The following KCNU1 variants were observed in gnomAD, a reference collection of about 807,000 sequenced individuals.
KCNU1 encodes potassium calcium-activated channel subfamily U member 1.
Under a neutral mutation model 126.8 loss-of-function variants are expected in KCNU1, and 93 were observed. That is an observed-to-expected ratio of 0.73 (90% CI 0.62 to 0.87). KCNU1 has a LOEUF of 0.87. Ranked by LOEUF, KCNU1 falls within the 40% of genes least tolerant of loss-of-function variation. KCNU1 has a pLI of 0.00. For missense variants in KCNU1, 1,330 were observed against 1,367.1 expected (o/e 0.97, Z 0.43); for synonymous variants, 523 against 494.2 (o/e 1.06, Z -0.77).
At chr8:36,880,633 A>C (rs954953384) in intron 19 of KCNU1, among the ~76,000 whole-genome samples, 4 of 152,034 alleles carry the variant, frequency 2.6e-5, no homozygotes, top group African/African-American at 9.7e-5. Flanking sequence ...CTTTAGGCCA[A>C]TCCCACCAGC....
chr8:36,929,981 G>A (rs867313907), intron 24 of KCNU1, among the ~76,000 whole-genome samples: 1 of 152,020 alleles, frequency 6.6e-6, no homozygotes, highest in African/African-American at 2.4e-5. Context: ...ATGGATCCCT[G>A]AATTTGAAAG....
intron 18 of KCNU1, among the ~76,000 whole-genome samples, chr8:36,851,832 T>C (rs1365209890): frequency 1.3e-5 from 2 of 151,588 alleles, no homozygotes; most frequent in Non-Finnish European, 2.9e-5. Flanking sequence ...ACTGAATGTG[T>C]TTATTAGTTC....
Position 36,905,759 on chromosome 8 carries a change from G to A in KCNU1, c.2061G>A (p.Gly687=). 1.2e-6 allele frequency: 2 copies of A among 1,604,684 alleles called. No homozygotes were observed. The highest frequency in any genetic ancestry group is 1.7e-6 in the Non-Finnish European group (2 of 1,174,082). ...EQDSDQLDSS[G]MFHWCKPTSL... Reference sequence around the variant, plus strand: ...ATTCTGACCAGCTTGATAGCAGTGGGATGTTTCACTGGTGCAAACCAACCT... The same window carrying A: ...ATTCTGACCAGCTTGATAGCAGTGGAATGTTTCACTGGTGCAAACCAACCT... The change falls in exon 20 of 27, where the codon GGG becomes GGA. Residue 687 remains glycine (G), a synonymous_variant. Coordinates refer to ENST00000399881, the MANE Select transcript of KCNU1 (RefSeq NM_001031836.3).
In KCNU1 at chr8:36,789,920, C is replaced by T. The variant is rs1026968116; in HGVS notation, c.315+2495C>T. On this transcript the variant is annotated intron_variant, in intron 2 of 26. Coordinates refer to ENST00000399881, the MANE Select transcript of KCNU1 (RefSeq NM_001031836.3). ...TAGGGACATGGAGGGCAGGGGACAG[C>T]GAGGTCTGAGAAGAGACTGGAAAAT... is the stretch of plus-strand genomic sequence containing the variant. Among the ~76,000 whole-genome samples the T allele has an allele frequency of 2.0e-5, 3 of 152,180 alleles. No homozygotes were observed. The East Asian group carries it at 5.8e-4, about 29-fold the overall frequency.
chr8:36,871,032 G>GAATC (rs1806083570), intron 19 of KCNU1, among the ~76,000 whole-genome samples: 1 of 151,988 alleles, frequency 6.6e-6, no homozygotes, highest in African/African-American at 2.4e-5. Context: ...TCCCTAGCAG[G>GAATC]GCTATGTGTC....
chr8:36,887,443 T>G (rs1279931706), intron 19 of KCNU1, among the ~76,000 whole-genome samples: 2 of 66,900 alleles, frequency 3.0e-5, no homozygotes, highest in African/African-American at 7.9e-5. Context: ...TGGCCATTTG[T>G]TTTTTTTTGT....
intron 10 of KCNU1, among the ~76,000 whole-genome samples, chr8:36,822,554 T>G (rs1193645761): frequency 6.6e-6 from 1 of 152,210 alleles, no homozygotes; most frequent in African/African-American, 2.4e-5. Flanking sequence ...AGTATTACCA[T>G]TTTCTTTCTT....
intron 16 of KCNU1, among the ~76,000 whole-genome samples, chr8:36,842,775 A>T (rs949308524): frequency 6.6e-6 from 1 of 152,126 alleles, no homozygotes; most frequent in East Asian, 1.9e-4. Context: ...GGTTCAAGTG[A>T]TTCTCCTGCC....
intron 23 of KCNU1, among the ~76,000 whole-genome samples, chr8:36,921,192 A>G (rs1292618671): frequency 6.6e-6 from 1 of 152,170 alleles, no homozygotes; most frequent in African/African-American, 2.4e-5. Flanking sequence ...CAGCCACAGT[A>G]TCCTCATTTT....
intron 9 of KCNU1, among the ~76,000 whole-genome samples, chr8:36,817,195 A>G (rs149162736): frequency 2.1e-3 from 323 of 152,124 alleles, no homozygotes; most frequent in African/African-American, 7.5e-3. Context: ...TAGTGTTTCA[A>G]TGTTTAAAAT....
intron 18 of KCNU1, among the ~76,000 whole-genome samples, chr8:36,861,525 C>A (rs933180028): frequency 1.3e-5 from 2 of 152,196 alleles, no homozygotes; most frequent in Non-Finnish European, 2.9e-5. Context: ...TACCCCACTT[C>A]TGCAAGACTA....
chr8:36,858,954 A>G (rs1805631780), intron 18 of KCNU1, among the ~76,000 whole-genome samples: 3 of 152,166 alleles, frequency 2.0e-5, no homozygotes, highest in South Asian at 2.1e-4. Flanking sequence ...CTGATCCCCA[A>G]TCACCAGTAT....
intron 14 of KCNU1, among the ~76,000 whole-genome samples, chr8:36,837,499 G>A (rs1804794975): frequency 6.6e-6 from 1 of 152,108 alleles, no homozygotes; most frequent in African/African-American, 2.4e-5. Context: ...ATAATATGTT[G>A]TTAGTATCCC....
At chr8:36,842,918 C>T (rs1332923818) in intron 16 of KCNU1, among the ~76,000 whole-genome samples, 1 of 152,160 alleles carries the variant, frequency 6.6e-6, no homozygotes, top group Non-Finnish European at 1.5e-5. Flanking sequence ...CCCACCTCGG[C>T]TTCCCAAAGT....
chr8:36,832,555 C>G (rs967128471), intron 10 of KCNU1, among the ~76,000 whole-genome samples: 1 of 152,010 alleles, frequency 6.6e-6, no homozygotes, highest in African/African-American at 2.4e-5. Flanking sequence ...TTTTTAATCT[C>G]TACTTTGACT....
intron 19 of KCNU1, among the ~76,000 whole-genome samples, chr8:36,895,823 A>T (rs1211825905): frequency 6.6e-6 from 1 of 152,110 alleles, no homozygotes; most frequent in Non-Finnish European, 1.5e-5. Flanking sequence ...ATTGCAAGTG[A>T]TTAATCTGCA....
At position 36,817,499 on chromosome 8, in the gene KCNU1, C is replaced by CAAAA. The variant is rs375306964; in HGVS notation, c.996-128_996-125dup. The CAAAA allele has an allele frequency of 6.6e-4, 154 of 234,634 alleles. 5 individuals are homozygous for CAAAA. Among genetic ancestry groups the CAAAA allele is most frequent in the East Asian group, 3.3e-3 (35 of 10,584 alleles). The allele number at this position is 234,634 out of a possible 1,614,324, so 14.5% of individuals were successfully genotyped here. On this transcript the variant is annotated intron_variant, in intron 9 of 26. Transcript: ENST00000399881. ...GGGCAGCAAGAGCAAAACTCCATCT[C>CAAAA]AAAAAAAAAAAAAAAAAAAAAAAAA...
At chr8:36,845,522 A>C in intron 16 of KCNU1, 58 bp from the exon 17 acceptor site, 1 of 987,574 alleles carries the variant, frequency 1.0e-6, no homozygotes, top group South Asian at 1.4e-5. Context: ...AAGAGGCACC[A>C]ACTGTTGCCA....
rs1585413074 is a variant in KCNU1, at chr8:36,819,533, A to G, written c.1106+1773A>G. On this transcript the variant is annotated intron_variant, in intron 10 of 26. Transcript: ENST00000399881. ...CTGTTTCTACCATTTATTCTCCACT[A>G]TCACAACTCTATTCATAGTTAAATC... 1.3e-5 allele frequency among the ~76,000 whole-genome samples: 2 copies of G among 152,220 alleles called. 1 individual carries two copies. The highest frequency in any genetic ancestry group is 4.8e-5 in the African/African-American group (2 of 41,546).
Sources: gnomAD v4.1 joint callset for allele counts (sites outside exome capture counted in the v4.1 genomes callset) on GRCh38, gnomAD v4.1.1 for gene constraint, MANE v1.5 for transcripts, NCBI Gene and HGNC (gene_info 2026-07-23, HGNC 2026-07-21) for gene names.